Variants in TRMT44 observed in about 807,000 individuals in gnomAD.
The protein encoded by TRMT44 is tRNA methyltransferase 44 homolog, also known as probable tRNA (uracil-O(2)-)-methyltransferase.
TRMT44 carries 78 observed loss-of-function variants against 77.3 expected under a neutral mutation model. The observed-to-expected ratio is 1.01, with a 90% CI of 0.84 to 1.22. The LOEUF (loss-of-function observed/expected upper bound fraction) is 1.22, where lower values mean the gene tolerates loss of function less well. Among genes scored for constraint, TRMT44 ranks in the 50% most tolerant of loss-of-function variants. The probability of loss-of-function intolerance (pLI) is 0.00; values close to 1 mark genes in which losing one functional copy is unlikely to be tolerated. For synonymous variants in TRMT44, 391 were observed against 383.3 expected (o/e 1.02, Z -0.23); for missense variants, 1,090 against 964.4 (o/e 1.13, Z -1.73).
Position 8,441,160 on chromosome 4 carries a change from A to G in TRMT44, c.338A>G (p.Gln113Arg). 1 of 1,528,036 alleles carries G rather than the reference A, an allele frequency of 6.5e-7. No individual in the cohort carries two copies. Among genetic ancestry groups the G allele is most frequent in the Non-Finnish European group, 8.8e-7 (1 of 1,141,256 alleles). 94.7% of individuals were successfully genotyped at this position (1,528,036 alleles called of 1,614,324 possible). ...GGCCAGTGCCAGCAAGAGGAGGCACAGAGGGAAGCCGCCTCAGTGCCCCTG... is the reference window on the plus strand; with the variant it reads ...GGCCAGTGCCAGCAAGAGGAGGCACGGAGGGAAGCCGCCTCAGTGCCCCTG... ...AQGQCQQEEA[Q>R]REAASVPLRD... The change falls in exon 1 of 11, where the codon CAG (glutamine) becomes CGG (arginine). Residue 113 changes from glutamine (Q) to arginine (R), a missense_variant. Coordinates refer to ENST00000389737, the MANE Select transcript of TRMT44 (RefSeq NM_152544.3).
downstream of TRMT44, among the ~76,000 whole-genome samples, chr4:8,493,952 T>G (rs1728084801): frequency 6.7e-6 from 1 of 149,308 alleles, no homozygotes; most frequent in Admixed American, 6.8e-5. Flanking sequence ...ACCAGCAACA[T>G]TAGCTGTGGA....
Position 8,476,333 on chromosome 4 carries a change from C to T in TRMT44, c.*332C>T, listed in dbSNP as rs765360611. The T allele has an allele frequency of 1.3e-3, 450 of 347,590 alleles. 4 individuals carry two copies. The highest frequency in any genetic ancestry group is 1.4e-3 in the Non-Finnish European group (267 of 187,932). 21.5% of individuals were successfully genotyped at this position (347,590 alleles called of 1,614,324 possible). A position where few individuals can be genotyped will look rare whatever the true frequency, so the allele number is the denominator to read the frequency against. Reference sequence around the variant, plus strand: ...TGAGGCTGCCTTGCACAGGCCCTTCCCAGGGCGCTGTCCGACGCCTGCCCC... The same window carrying T: ...TGAGGCTGCCTTGCACAGGCCCTTCTCAGGGCGCTGTCCGACGCCTGCCCC... On this transcript the variant is annotated 3_prime_UTR_variant, in exon 11 of 11. Transcript: ENST00000389737.
intron 2 of TRMT44, among the ~76,000 whole-genome samples, chr4:8,485,318 C>A (rs774080519): frequency 6.6e-6 from 1 of 152,020 alleles, no homozygotes; most frequent in Non-Finnish European, 1.5e-5. Context: ...AAAGAATGTA[C>A]GGGTTGGGCA....
chr4:8,477,512 G>T (rs978574532), downstream of TRMT44: 2 of 152,346 alleles, frequency 1.3e-5, no homozygotes, highest in Admixed American at 6.5e-5. Context: ...GGGTCCCCAC[G>T]CTGGGAAGTT....
rs1055027798 is a variant in TRMT44, at chr4:8,465,454, A to C, written c.1387A>C (p.Ser463Arg). The change falls in exon 8 of 11, where the codon AGT becomes CGT. Residue 463 changes from serine to arginine, a missense_variant. Transcript: ENST00000389737. ...CATTGGAAGATACTCCCGGAGGCAGAGTAAGAAGACTCAGTACCGGGAATA... is the reference window on the plus strand; with the variant it reads ...CATTGGAAGATACTCCCGGAGGCAGCGTAAGAAGACTCAGTACCGGGAATA... Reference protein sequence around the residue: ...DFIGRYSRRQSKKTQYREYLD... With the variant: ...DFIGRYSRRQRKKTQYREYLD... The C allele has an allele frequency of 6.2e-6, 10 of 1,614,082 alleles. No individual in the cohort carries two copies. Among genetic ancestry groups the C allele is most frequent in the Admixed American group, 1.7e-5 (1 of 60,006 alleles).
chr4:8,490,564 C>T lies in TRMT44; in HGVS notation n.3892-2702C>T, dbSNP rs183323054. On this transcript the variant is annotated intron_variant and non_coding_transcript_variant, in intron 2 of 2. Transcript: ENST00000511366. ...GCGGTGAGTGTTACAGTTCTTAAGG[C>T]GGCGCGTCTGGAGTTGTTCATTCCT... Among the ~76,000 whole-genome samples, 143 of 151,156 alleles carry T rather than the reference C, an allele frequency of 9.5e-4. 1 individual carries two copies. The highest frequency in any genetic ancestry group is 1.6e-3 in the Non-Finnish European group (110 of 67,862).
At chr4:8,484,401 GA>G (rs1727739059) in intron 2 of TRMT44, among the ~76,000 whole-genome samples, 1 of 152,158 alleles carries the variant, frequency 6.6e-6, no homozygotes. Flanking sequence ...GAAGAACATA[GA>G]TTTTGGAAAT....
In TRMT44 at chr4:8,467,879, A is replaced by G. The variant is rs745872289; in HGVS notation, c.1495-35A>G. The G allele has an allele frequency of 7.1e-6, 11 of 1,554,534 alleles. 1 individual carries two copies. The South Asian group carries it at 1.3e-4, about 19-fold the overall frequency. On this transcript the variant is annotated intron_variant, in intron 8 of 10. Transcript: ENST00000389737. ...TGGAGAACGTTGAAATAGACTAGCC[A>G]GCTAAAATACTTGCTTTGCTTTCTT...
the TRMT44 span, among the ~76,000 whole-genome samples, chr4:8,508,133 C>G: frequency 6.6e-6 from 1 of 152,188 alleles, no homozygotes; most frequent in Non-Finnish European, 1.5e-5. Context: ...TCTCGAACTC[C>G]TGACCTCAGG....
At chr4:8,483,652 C>T (rs1041709761) in intron 2 of TRMT44, among the ~76,000 whole-genome samples, 1 of 152,090 alleles carries the variant, frequency 6.6e-6, no homozygotes, top group Non-Finnish European at 1.5e-5. Context: ...TTCCTGAAGA[C>T]TGAGAACTGT....
intron 2 of TRMT44, among the ~76,000 whole-genome samples, chr4:8,490,623 G>T (rs548464014): frequency 6.6e-6 from 1 of 152,042 alleles, no homozygotes; most frequent in Non-Finnish European, 1.5e-5. Flanking sequence ...GGCTTCAGGA[G>T]TGAAGCTGCA....
At position 8,446,243 on chromosome 4, in the gene TRMT44, T is replaced by C. The variant is rs2109087370; in HGVS notation, c.620-233T>C. ...GGCTCTTCCCTCAGGTCCTGGCTCATGCATCTCTCAACAGATACTTGCAGA... is the reference window on the plus strand; with the variant it reads ...GGCTCTTCCCTCAGGTCCTGGCTCACGCATCTCTCAACAGATACTTGCAGA... On this transcript the variant is annotated intron_variant, in intron 1 of 10. Coordinates refer to ENST00000389737, the MANE Select transcript of TRMT44 (RefSeq NM_152544.3). This position sits in a 1 kb window ranked among gnomAD's most constrained non-coding sequence, Gnocchi z 4.3. Among the ~76,000 whole-genome samples, 1 of 152,204 alleles carries C rather than the reference T, an allele frequency of 6.6e-6. No homozygotes were observed. Among genetic ancestry groups the C allele is most frequent in the East Asian group, 1.9e-4 (1 of 5,192 alleles).
chr4:8,472,821 T>C (rs62287393), intron 10 of TRMT44, among the ~76,000 whole-genome samples: 4,142 of 152,304 alleles, frequency 0.027, 67 homozygotes, highest in South Asian at 0.04. Flanking sequence ...GCCTGGAGTC[T>C]GCTCTTCCTT....
chr4:8,463,116 A>G (rs1560232363), intron 6 of TRMT44, among the ~76,000 whole-genome samples: 1 of 152,210 alleles, frequency 6.6e-6, no homozygotes, highest in Non-Finnish European at 1.5e-5. Flanking sequence ...TTGAAGAGTG[A>G]GTGTTCTCAG....
rs1456993839 is a variant in TRMT44 at position 8,444,367 on chromosome 4, CAG to C, written c.620-2108_620-2107del. Among the ~76,000 whole-genome samples the C allele has an allele frequency of 2.7e-5, 4 of 150,380 alleles. No individual in the cohort carries two copies. The highest frequency in any genetic ancestry group is 1.3e-4 in the Admixed American group (2 of 15,118). On this transcript the variant is annotated intron_variant, in intron 1 of 10. Coordinates refer to ENST00000389737, the MANE Select transcript of TRMT44 (RefSeq NM_152544.3). The surrounding 1 kb of genome is among the most constrained non-coding windows in gnomAD (Gnocchi z 4.0). ...TAACACCTAGTATATGATAGTCTAA[CAG>C]GGGGATTATAATGAATAATAACTTA... is the stretch of plus-strand genomic sequence containing the variant.
chr4:8,443,788 G>A (rs893348658), intron 1 of TRMT44, among the ~76,000 whole-genome samples: 2 of 152,076 alleles, frequency 1.3e-5, no homozygotes, highest in Admixed American at 6.6e-5. Flanking sequence ...GTGAAACCCC[G>A]TCTCTACTAA....
In TRMT44 at chr4:8,448,572, C is replaced by G. The variant is rs559081393; in HGVS notation, c.735-1097C>G. The stretch of plus-strand genomic sequence containing the variant: ...GCGAGGAACGCCCCTTGGGCAGAAT[C>G]TCTGCAGCGCGCAGGGGCCACCAAA... On this transcript the variant is annotated intron_variant, in intron 2 of 10. Coordinates refer to ENST00000389737, the MANE Select transcript of TRMT44 (RefSeq NM_152544.3). Among the ~76,000 whole-genome samples, 32 of 152,364 alleles carry G rather than the reference C, an allele frequency of 2.1e-4. No homozygotes were observed. The South Asian group carries it at 5.8e-3, about 28-fold the overall frequency.
Position 8,446,492 on chromosome 4 carries a change from C to G in TRMT44, c.636C>G (p.Thr212=), listed in dbSNP as rs1725068233. 4 of 1,535,984 alleles carry G rather than the reference C, an allele frequency of 2.6e-6. No homozygotes were observed. Among genetic ancestry groups the G allele is most frequent in the Non-Finnish European group, 3.5e-6 (4 of 1,146,492 alleles). ...EIVVQDVLNG[T]ITFLPLEEDD... is the part of the protein sequence containing the mutation. Reference sequence around the variant, plus strand: ...TCTTTCCAGATGTCCTCAATGGAACCATAACGTTTTTGCCTTTGGAAGAAG... The same window carrying G: ...TCTTTCCAGATGTCCTCAATGGAACGATAACGTTTTTGCCTTTGGAAGAAG... Residue 212 remains threonine (T), a synonymous_variant, in exon 2 of 11, where the codon ACC becomes ACG. Coordinates refer to ENST00000389737, the MANE Select transcript of TRMT44 (RefSeq NM_152544.3). This position sits in a 1 kb window ranked among gnomAD's most constrained non-coding sequence, Gnocchi z 4.3.
the TRMT44 span, among the ~76,000 whole-genome samples, chr4:8,501,269 C>G: frequency 6.6e-6 from 1 of 152,136 alleles, no homozygotes; most frequent in Non-Finnish European, 1.5e-5. The surrounding 1 kb of genome is among the most constrained non-coding windows in gnomAD (Gnocchi z 4.4). Context: ...GACCCCTGGT[C>G]CATCGGGGGA....
Sources: gnomAD v4.1 joint callset for allele counts (sites outside exome capture counted in the v4.1 genomes callset) on GRCh38, gnomAD v4.1.1 for gene constraint, Gnocchi (gnomAD v3.1) non-coding constraint, MANE v1.5 for transcripts, NCBI Gene and HGNC (gene_info 2026-07-23, HGNC 2026-07-21) for gene names.